The following BPNT1 variants were observed in gnomAD, a reference collection of about 807,000 sequenced individuals.
The protein encoded by BPNT1 is 3'(2'), 5'-bisphosphate nucleotidase 1.
A neutral mutation model predicts 36.9 loss-of-function variants in BPNT1; 28 were observed. The observed-to-expected ratio is 0.76, with a 90% CI of 0.56 to 1.04. The LOEUF is 1.04. BPNT1 is among the 50% of genes least tolerant of loss of function. BPNT1 has a pLI of 0.00. For missense variants in BPNT1, 313 were observed against 372.9 expected, an observed-to-expected ratio of 0.84 and a Z score of 1.32; for synonymous variants, 119 against 130.9, an observed-to-expected ratio of 0.91 and a Z score of 0.62.
chr1:220,063,175 C>T (rs569202809), intron 6 of BPNT1, among the ~76,000 whole-genome samples: 4 of 152,086 alleles, frequency 2.6e-5, no homozygotes, highest in South Asian at 2.1e-4. Flanking sequence ...GGTGAAACCC[C>T]GTCTCTAATA....
At chr1:220,077,565 G>T (rs1212819383) in intron 2 of BPNT1, among the ~76,000 whole-genome samples, 1 of 152,030 alleles carries the variant, frequency 6.6e-6, no homozygotes, top group African/African-American at 2.4e-5. Context: ...GTCAGATGGG[G>T]TCTTGCTATG....
At chr1:220,078,488 T>A (rs1048058236) in intron 2 of BPNT1, among the ~76,000 whole-genome samples, 3 of 141,444 alleles carry the variant, frequency 2.1e-5, no homozygotes, top group African/African-American at 7.8e-5. Context: ...TAAATAATAA[T>A]TTATAATAAA....
intron 6 of BPNT1, chr1:220,066,166 A>T: frequency 7.3e-7 from 1 of 1,363,486 alleles, no homozygotes; most frequent in Non-Finnish European, 9.9e-7. Context: ...AAGTGGTGAA[A>T]ATTATTAACT....
chr1:220,066,087 T>C (rs1180163411), intron 6 of BPNT1: 2 of 1,524,686 alleles, frequency 1.3e-6, no homozygotes, highest in Admixed American at 2.0e-5. Flanking sequence ...GCTTCATTCC[T>C]GTGTTCCCTT....
intron 7 of BPNT1, among the ~76,000 whole-genome samples, chr1:220,060,569 T>C (rs1662933163): frequency 1.3e-5 from 2 of 152,222 alleles, no homozygotes; most frequent in African/African-American, 4.8e-5. Flanking sequence ...GTATAAATTG[T>C]AATAGATCCT....
rs1482559572 is a variant in BPNT1 at position 220,058,977 on chromosome 1, A to AT, written c.793dup (p.Ile265AsnfsTer28). On this transcript the variant is annotated frameshift_variant, in exon 9 of 9. Transcript: ENST00000322067. LOFTEE classifies it high-confidence loss of function. The stretch of plus-strand genomic sequence containing the variant: ...GTGGTACTGAAGAACATTCCCATGG[A>AT]TATCGGTTAACTTGCCTATAGAAAA... The AT allele has an allele frequency of 6.2e-7, 1 of 1,613,342 alleles. No individual in the cohort carries two copies. Among genetic ancestry groups the AT allele is most frequent in the African/African-American group, 1.3e-5 (1 of 74,894 alleles).
chr1:220,079,993 T>C (rs1664956469), intron 1 of BPNT1, 139 bp from the exon 2 acceptor site: 3 of 869,924 alleles, frequency 3.4e-6, no homozygotes, highest in Non-Finnish European at 4.9e-6. Flanking sequence ...CTTTAATATA[T>C]ATTTACTAAA....
intron 7 of BPNT1, among the ~76,000 whole-genome samples, chr1:220,060,484 A>G (rs1054763990): frequency 6.6e-6 from 1 of 152,070 alleles, no homozygotes; most frequent in African/African-American, 2.4e-5. Context: ...TCAAACAAAC[A>G]AAAGCACTCC....
rs141984354 is a variant in BPNT1, at chr1:220,067,528, T to C, written c.383-135A>G. The C allele has an allele frequency of 1.6e-3, 827 of 501,792 alleles. 8 individuals carry two copies. The highest frequency in any genetic ancestry group is 0.015 in the African/African-American group (743 of 50,480). 31.1% of individuals were successfully genotyped at this position (501,792 alleles called of 1,614,324 possible). Reference sequence around the variant, plus strand: ...TGATTCATCCGTGATCAATCCTATTTATAGTGAAAGGCATAAATGATAAGC... The same window carrying C: ...TGATTCATCCGTGATCAATCCTATTCATAGTGAAAGGCATAAATGATAAGC... On this transcript the variant is annotated intron_variant, in intron 5 of 8. Coordinates refer to ENST00000322067, the MANE Select transcript of BPNT1 (RefSeq NM_006085.6).
At chr1:220,079,903 T>C in intron 1 of BPNT1, 49 bp from the exon 2 acceptor site, 1 of 1,568,710 alleles carries the variant, frequency 6.4e-7, no homozygotes, top group Admixed American at 1.8e-5. Context: ...AGCCAACTAC[T>C]GGTTTTATTT....
intron 6 of BPNT1, among the ~76,000 whole-genome samples, chr1:220,064,000 A>G (rs1331184411): frequency 6.6e-6 from 1 of 152,250 alleles, no homozygotes; most frequent in Admixed American, 6.5e-5. Context: ...CATATATTAT[A>G]GAGATATACA....
At chr1:220,083,932 T>C (rs943819136) in intron 1 of BPNT1, among the ~76,000 whole-genome samples, 2 of 152,162 alleles carry the variant, frequency 1.3e-5, no homozygotes, top group Non-Finnish European at 2.9e-5. Context: ...TGTGTTTGTT[T>C]TATGATATCA....
At chr1:220,068,671 C>T (rs959435730) in intron 5 of BPNT1, among the ~76,000 whole-genome samples, 1 of 151,770 alleles carries the variant, frequency 6.6e-6, no homozygotes, top group East Asian at 2.0e-4. Flanking sequence ...ATTAGCTGGG[C>T]GTGGTGGCAG....
Position 220,057,830 on chromosome 1 carries a change from T to A in BPNT1, c.*1014A>T. ...TTCTTAATTGGAGTAGAAACGTTTT[T>A]AAAATTACTGTGAAAAACAAGAGTG... On this transcript the variant is annotated 3_prime_UTR_variant, in exon 9 of 9. Coordinates refer to ENST00000322067, the MANE Select transcript of BPNT1 (RefSeq NM_006085.6). 1 of 1,286,254 alleles carries A rather than the reference T, an allele frequency of 7.8e-7. No homozygotes were observed. Among genetic ancestry groups the A allele is most frequent in the Non-Finnish European group, 1.0e-6 (1 of 976,728 alleles). The allele number at this position is 1,286,254 out of a possible 1,614,324, so 79.7% of individuals were successfully genotyped here.
At chr1:220,071,105 C>T (rs1042304368) in intron 4 of BPNT1, among the ~76,000 whole-genome samples, 7 of 151,900 alleles carry the variant, frequency 4.6e-5, no homozygotes, top group Non-Finnish European at 1.0e-4. Context: ...CGTGATCCGC[C>T]TGCCTCGGCC....
At chr1:220,063,114 C>T (rs765888676) in intron 6 of BPNT1, among the ~76,000 whole-genome samples, 160 bp from the exon 7 acceptor site, 1 of 152,048 alleles carries the variant, frequency 6.6e-6, no homozygotes, top group African/African-American at 2.4e-5. Flanking sequence ...TTTGGGAGGC[C>T]GAGGCGGGCG....
chr1:220,075,547 C>G (rs1664468904), intron 2 of BPNT1, among the ~76,000 whole-genome samples: 1 of 152,112 alleles, frequency 6.6e-6, no homozygotes, highest in African/African-American at 2.4e-5. Flanking sequence ...TTTGAATGAA[C>G]CTACTCAAAA....
intron 1 of BPNT1, among the ~76,000 whole-genome samples, chr1:220,081,280 C>T (rs1392096077): frequency 2.0e-5 from 3 of 152,016 alleles, no homozygotes; most frequent in Admixed American, 6.6e-5. Context: ...CGGTGACTAA[C>T]GCCTGTAATC....
chr1:220,083,423 T>C (rs1242472487), intron 1 of BPNT1, among the ~76,000 whole-genome samples: 1 of 151,522 alleles, frequency 6.6e-6, no homozygotes, highest in African/African-American at 2.4e-5. Context: ...CACACCATTA[T>C]CCTGCTTCAG....
Sources: gnomAD v4.1 joint callset for allele counts (sites outside exome capture counted in the v4.1 genomes callset) on GRCh38, gnomAD v4.1.1 for gene constraint, MANE v1.5 for transcripts, NCBI Gene and HGNC (gene_info 2026-07-23, HGNC 2026-07-21) for gene names.